The following BAIAP2L1 variants were observed in gnomAD, a reference collection of about 807,000 sequenced individuals.
BAIAP2L1 encodes the protein BAR/IMD domain-containing adapter protein 2-like 1.
Under a neutral mutation model 66.3 loss-of-function variants are expected in BAIAP2L1, and 35 were observed. That is an observed-to-expected ratio of 0.53 (90% CI 0.40 to 0.70). The LOEUF (loss-of-function observed/expected upper bound fraction) is 0.70, where lower values mean the gene tolerates loss of function less well. Ranked by LOEUF, BAIAP2L1 falls within the 30% of genes least tolerant of loss-of-function variation. The pLI, the probability that BAIAP2L1 is intolerant of heterozygous loss-of-function variation, is 0.00. For missense variants in BAIAP2L1, 622 were observed against 656.9 expected, an observed-to-expected ratio of 0.95 and a Z score of 0.58; for synonymous variants, 269 against 248.7, an observed-to-expected ratio of 1.08 and a Z score of -0.77.
chr7:98,320,287 T>A lies in BAIAP2L1; in HGVS notation c.226A>T (p.Ile76Leu). The A allele has an allele frequency of 6.2e-7, 1 of 1,606,586 alleles. No homozygotes were observed. Among genetic ancestry groups the A allele is most frequent in the Non-Finnish European group, 8.5e-7 (1 of 1,175,324 alleles). ...PVSTELGHVL[I>L]EISSTHKKLN... ...TTCTTGTGGGTACTTGAAATCTCTA[T>A]GAGGACATGTCCTGGGAACAAAACC... The change falls in exon 4 of 14, where the codon ATA (isoleucine) becomes TTA (leucine). Residue 76 changes from isoleucine (I) to leucine (L), a missense_variant. Physicochemically the swap from Ile to Leu is conservative, Grantham distance 5. Coordinates refer to ENST00000005260, the MANE Select transcript of BAIAP2L1 (RefSeq NM_018842.5).
chr7:98,308,491 GTGC>G (rs1290930577), intron 9 of BAIAP2L1: 7 of 363,766 alleles, frequency 1.9e-5, no homozygotes, highest in Non-Finnish European at 3.8e-5. Flanking sequence ...CAGGAGGAAG[GTGC>G]TGCTATTTAT....
At chr7:98,328,650 C>T (rs1014955247) in intron 3 of BAIAP2L1, among the ~76,000 whole-genome samples, 1 of 142,892 alleles carries the variant, frequency 7.0e-6, no homozygotes, top group Non-Finnish European at 1.5e-5. Context: ...AGTTGGAGAC[C>T]AGCCTGGCAA....
In BAIAP2L1 at chr7:98,376,772, C is replaced by T. The variant is rs962844993; in HGVS notation, c.52-14340G>A. ...ACTTGAACCCGGGAGGTGCAGGTTG[C>T]GGTGAGCTGAGATTATGCCATCGCA... On this transcript the variant is annotated intron_variant, in intron 1 of 13. Transcript: ENST00000005260. Among the ~76,000 whole-genome samples, 5 of 151,890 alleles carry T rather than the reference C, an allele frequency of 3.3e-5. 1 individual carries two copies. Among genetic ancestry groups the T allele is most frequent in the South Asian group, 4.2e-4 (2 of 4,810 alleles).
intron 1 of BAIAP2L1, among the ~76,000 whole-genome samples, chr7:98,365,726 C>T (rs539382549): frequency 5.9e-5 from 9 of 152,176 alleles, no homozygotes; most frequent in African/African-American, 1.2e-4. Context: ...GCAATCTGCC[C>T]GCCCTGGCCT....
At chr7:98,354,374 G>A (rs1393023744) in intron 3 of BAIAP2L1, among the ~76,000 whole-genome samples, 1 of 152,104 alleles carries the variant, frequency 6.6e-6, no homozygotes, top group East Asian at 1.9e-4. Flanking sequence ...ACTTTACCAT[G>A]ATTTTCCTCC....
intron 3 of BAIAP2L1, among the ~76,000 whole-genome samples, chr7:98,332,887 G>A (rs1180138647): frequency 6.7e-6 from 1 of 150,196 alleles, no homozygotes; most frequent in Non-Finnish European, 1.5e-5. Context: ...CTGCACCCGG[G>A]GTTAAGAGGT....
At chr7:98,321,749 C>T (rs974018663) in intron 3 of BAIAP2L1, among the ~76,000 whole-genome samples, 4 of 152,236 alleles carry the variant, frequency 2.6e-5, no homozygotes, top group South Asian at 2.1e-4. Flanking sequence ...CAAACAATGC[C>T]GACCAACAGC....
In BAIAP2L1 at chr7:98,392,605, A is replaced by G. The variant is rs1336056815; in HGVS notation, c.51+8197T>C. 6.6e-5 allele frequency among the ~76,000 whole-genome samples: 10 copies of G among 152,292 alleles called. No homozygotes were observed. In the South Asian group the frequency reaches 2.1e-3, roughly 32 times the overall value. On this transcript the variant is annotated intron_variant, in intron 1 of 13. Transcript: ENST00000005260. ...CATGGCTGAGCTGTAATAGCAAAGT[A>G]CTGGCAATGATCTATGTCCAACCAC...
At chr7:98,367,683 C>G (rs1260040838) in intron 1 of BAIAP2L1, among the ~76,000 whole-genome samples, 2 of 151,918 alleles carry the variant, frequency 1.3e-5, no homozygotes, top group Non-Finnish European at 2.9e-5. Flanking sequence ...CTACAGGCAC[C>G]CACCACCACG....
At chr7:98,370,705 G>GT (rs1802493089) in intron 1 of BAIAP2L1, among the ~76,000 whole-genome samples, 1 of 152,050 alleles carries the variant, frequency 6.6e-6, no homozygotes, top group East Asian at 1.9e-4. Flanking sequence ...GTTTCACCAT[G>GT]TTAGCCAGGA....
At chr7:98,348,303 A>G (rs565121014) in intron 3 of BAIAP2L1, among the ~76,000 whole-genome samples, 94 of 152,266 alleles carry the variant, frequency 6.2e-4, no homozygotes, top group Non-Finnish European at 1.2e-3. Context: ...GCAGTGGCTC[A>G]CATCTGTAAT....
chr7:98,295,761 C>A (rs1800163616), intron 12 of BAIAP2L1, among the ~76,000 whole-genome samples: 1 of 152,168 alleles, frequency 6.6e-6, no homozygotes, highest in Non-Finnish European at 1.5e-5. Flanking sequence ...CCTCCACCCA[C>A]CCCAAGCACA....
chr7:98,304,791 T>C (rs1435980683), intron 11 of BAIAP2L1, among the ~76,000 whole-genome samples: 1 of 151,996 alleles, frequency 6.6e-6, no homozygotes, highest in Non-Finnish European at 1.5e-5. Flanking sequence ...TCAGCTGGGA[T>C]TACAGCATGA....
chr7:98,393,079 AC>A (rs1410495295), intron 1 of BAIAP2L1, among the ~76,000 whole-genome samples: 1 of 110,278 alleles, frequency 9.1e-6, no homozygotes, highest in Non-Finnish European at 1.8e-5. Context: ...ATGTATACAC[AC>A]ACATATATAC....
chr7:98,294,030 G>A, intron 13 of BAIAP2L1, 44 bp downstream of exon 13: 1 of 1,604,752 alleles, frequency 6.2e-7, no homozygotes, highest in Middle Eastern at 1.7e-4. Context: ...CTACAGGGAA[G>A]AGCAATGTCA....
chr7:98,317,334 G>C lies in BAIAP2L1; in HGVS notation c.371C>G (p.Thr124Arg), dbSNP rs150463891. Residue 124 changes from threonine (T) to arginine (R), a missense_variant, in exon 6 of 14, where the codon ACA (threonine) becomes AGA (arginine). Transcript: ENST00000005260. Reference sequence around the variant, plus strand: ...AGACTCTAATTTATTCTTGTGTTCTGTTTGGTATCTTTTTAGAGTTGCCTG... The same window carrying C: ...AGACTCTAATTTATTCTTGTGTTCTCTTTGGTATCTTTTTAGAGTTGCCTG... ...YMNATLKRYQTEHKNKLESLE... is the reference protein window; with the variant it reads ...YMNATLKRYQREHKNKLESLE... The C allele has an allele frequency of 6.2e-7, 1 of 1,614,038 alleles. No homozygotes were observed. The highest frequency in any genetic ancestry group is 8.5e-7 in the Non-Finnish European group (1 of 1,180,010).
chr7:98,355,559 A>AAAG (rs1802100425), intron 2 of BAIAP2L1: 1 of 156,514 alleles, frequency 6.4e-6, no homozygotes, highest in Admixed American at 6.0e-5. Flanking sequence ...GCCTCTACAA[A>AAAG]AAAAAAAAAA....
intron 1 of BAIAP2L1, among the ~76,000 whole-genome samples, chr7:98,391,708 C>CAAAA (rs35659859): frequency 3.0e-5 from 3 of 99,274 alleles, no homozygotes; most frequent in Non-Finnish European, 6.3e-5. Flanking sequence ...GACTCCGTCT[C>CAAAA]AAAAAAAAAA....
intron 2 of BAIAP2L1, among the ~76,000 whole-genome samples, chr7:98,358,548 G>C (rs780588386): frequency 3.0e-4 from 46 of 151,688 alleles, no homozygotes; most frequent in Non-Finnish European, 6.3e-4. Context: ...CTAGAAATAG[G>C]GTCTCACTAT....
Sources: allele counts gnomAD v4.1 joint callset (sites outside exome capture counted in the v4.1 genomes callset), GRCh38; gene constraint gnomAD v4.1.1; transcripts MANE v1.5; gene names NCBI Gene and HGNC (gene_info 2026-07-23, HGNC 2026-07-21).